Variants in ITIH5 observed in about 807,000 individuals in gnomAD.
The protein encoded by ITIH5 is inter-alpha-trypsin inhibitor heavy chain 5.
A neutral mutation model predicts 77.5 loss-of-function variants in ITIH5; 65 were observed. That is an observed-to-expected ratio of 0.84 (90% CI 0.69 to 1.03). The LOEUF (loss-of-function observed/expected upper bound fraction) is 1.03, where lower values mean the gene tolerates loss of function less well. Ranked by LOEUF, ITIH5 falls within the 50% of genes least tolerant of loss-of-function variation. The pLI is 0.00. For missense variants in ITIH5, 1,208 were observed against 1,213.1 expected, an observed-to-expected ratio of 1.00 and a Z score of 0.06; for synonymous variants, 525 against 494.3, an observed-to-expected ratio of 1.06 and a Z score of -0.82.
At chr10:7,583,777 G>A (rs560895825) in intron 8 of ITIH5, among the ~76,000 whole-genome samples, 8 of 152,272 alleles carry the variant, frequency 5.3e-5, no homozygotes, top group Admixed American at 1.3e-4. Flanking sequence ...GAGAGCACAG[G>A]CAGAGGGACG....
Position 7,563,380 on chromosome 10 carries a change from C to G in ITIH5, c.2532G>C (p.Gln844His). 3 of 1,611,848 alleles carry G rather than the reference C, an allele frequency of 1.9e-6. No homozygotes were observed. Among genetic ancestry groups the G allele is most frequent in the Non-Finnish European group, 2.5e-6 (3 of 1,178,220 alleles). Reference sequence around the variant, plus strand: ...TGAGTCTGGCATCCTGATTCAGGAACTGACCTGGGAGGACAAGGAAAAGCA... The same window carrying G: ...TGAGTCTGGCATCCTGATTCAGGAAGTGACCTGGGAGGACAAGGAAAAGCA... The part of the protein sequence containing the change: ...LSSNCHGLLG[Q>H]FLNQDARLTE... The change falls in exon 14 of 14, where the codon CAG becomes CAC. Residue 844 changes from glutamine to histidine, a missense_variant. Physicochemically the swap from Gln to His is conservative, Grantham distance 24 (BLOSUM62 0). Transcript: ENST00000397146.
At chr10:7,616,397 GT>G (rs61480852) in intron 6 of ITIH5, among the ~76,000 whole-genome samples, 1 of 151,634 alleles carries the variant, frequency 6.6e-6, no homozygotes, top group Non-Finnish European at 1.5e-5. Context: ...CCTTCATTAT[GT>G]TTTTTTTACC....
intron 9 of ITIH5, among the ~76,000 whole-genome samples, chr10:7,579,455 G>A (rs562397736): frequency 6.6e-6 from 1 of 152,018 alleles, no homozygotes; most frequent in African/African-American, 2.4e-5. Context: ...AACCCAGGAA[G>A]CAGAGGTTGC....
Position 7,594,881 on chromosome 10 carries a change from T to C in ITIH5, c.940-8812A>G, listed in dbSNP as rs1832863949. Among the ~76,000 whole-genome samples the C allele has an allele frequency of 3.9e-5, 6 of 152,172 alleles. No homozygotes were observed. In the South Asian group the frequency reaches 1.2e-3, roughly 32 times the overall value. ...CTAGGGGATAAACATAAGGGGCACCTGTGGGCCTCACTGAGGAGGAAAACA... is the reference window on the plus strand; with the variant it reads ...CTAGGGGATAAACATAAGGGGCACCCGTGGGCCTCACTGAGGAGGAAAACA... On this transcript the variant is annotated intron_variant, in intron 7 of 13. Coordinates refer to ENST00000397146, the MANE Select transcript of ITIH5 (RefSeq NM_030569.7).
chr10:7,642,300 A>C (rs1833903272), intron 2 of ITIH5, among the ~76,000 whole-genome samples: 1 of 152,152 alleles, frequency 6.6e-6, no homozygotes, highest in African/African-American at 2.4e-5. Flanking sequence ...TTGCATAAAC[A>C]ATTAATAACA....
At position 7,576,683 on chromosome 10, in the gene ITIH5, T is replaced by C. The variant is rs1394457147; in HGVS notation, c.1748A>G (p.Lys583Arg). The C allele has an allele frequency of 3.7e-6, 6 of 1,614,116 alleles. No individual in the cohort carries two copies. The East Asian group carries it at 1.1e-4, about 30-fold the overall frequency. The change falls in exon 10 of 14, where the codon AAG becomes AGG. Residue 583 changes from lysine (K) to arginine (R), a missense_variant. By Grantham distance (26) the Lys-to-Arg change is conservative (BLOSUM62 2). Transcript: ENST00000397146. The part of the protein sequence containing the change: ...IERLWSYLTT[K>R]ELLSSWLQSD... ...TTGCAGCCAGGAGCTCAGCAGCTCC[T>C]TTGTGGTGAGGTAGCTCCAGAGACG...
At chr10:7,572,483 C>A in intron 11 of ITIH5, 1 of 1,289,168 alleles carries the variant, frequency 7.8e-7, no homozygotes, top group South Asian at 1.3e-5. Flanking sequence ...TTTATGATAG[C>A]AGAGGCTGGA....
intron 5 of ITIH5, chr10:7,621,376 C>T (rs939522895): frequency 6.6e-5 from 10 of 152,114 alleles, no homozygotes; most frequent in African/African-American, 1.9e-4. Context: ...ATCATTCACT[C>T]GACTAGGCTC....
chr10:7,631,810 C>G (rs575488436), intron 5 of ITIH5, among the ~76,000 whole-genome samples: 39 of 149,134 alleles, frequency 2.6e-4, no homozygotes, highest in Non-Finnish European at 4.6e-4. Context: ...TTTTTTAAAC[C>G]AAATCTGACT....
intron 7 of ITIH5, among the ~76,000 whole-genome samples, chr10:7,596,217 C>T (rs1832894134): frequency 6.6e-6 from 1 of 152,168 alleles, no homozygotes; most frequent in South Asian, 2.1e-4. Context: ...TTCTCTTCCG[C>T]TCCCTCTTTC....
chr10:7,660,052 G>A (rs935313671), intron 1 of ITIH5, among the ~76,000 whole-genome samples: 2 of 152,160 alleles, frequency 1.3e-5, no homozygotes, highest in Admixed American at 1.3e-4. Flanking sequence ...ATGGACTTAA[G>A]AGATGGTGCT....
At chr10:7,605,536 C>A (rs950023325) in intron 7 of ITIH5, among the ~76,000 whole-genome samples, 1,100 of 71,950 alleles carry the variant, frequency 0.015, 13 homozygotes, top group African/African-American at 0.04. Context: ...ACCTAGCACC[C>A]CACCCCCAAC....
At chr10:7,631,638 G>C (rs1313487335) in intron 5 of ITIH5, among the ~76,000 whole-genome samples, 2 of 152,124 alleles carry the variant, frequency 1.3e-5, no homozygotes, top group African/African-American at 4.8e-5. Context: ...GATGGGAAGA[G>C]GTTGTTTCCA....
intron 8 of ITIH5, among the ~76,000 whole-genome samples, chr10:7,580,535 T>A (rs1588370465): frequency 6.6e-6 from 1 of 152,200 alleles, no homozygotes; most frequent in East Asian, 1.9e-4. Flanking sequence ...TAAATGCATA[T>A]AAGTGAATGG....
At chr10:7,575,784 G>C (rs1315653807) in intron 10 of ITIH5, among the ~76,000 whole-genome samples, 1 of 152,130 alleles carries the variant, frequency 6.6e-6, no homozygotes, top group Non-Finnish European at 1.5e-5. Context: ...TGAAAATATA[G>C]AAAGGCACTG....
intron 1 of ITIH5, among the ~76,000 whole-genome samples, chr10:7,663,148 G>C (rs1324258240): frequency 6.6e-6 from 1 of 152,176 alleles, no homozygotes. Context: ...TTTGCTGAGA[G>C]CCCCAGCTTT....
Position 7,562,298 on chromosome 10 carries a change from C to T in ITIH5, c.*785G>A, listed in dbSNP as rs979192518. 6.6e-6 allele frequency: 1 copy of T among 152,108 alleles called. No individual in the cohort carries two copies. Among genetic ancestry groups the T allele is most frequent in the Non-Finnish European group, 1.5e-5 (1 of 68,020 alleles). 9.4% of individuals were successfully genotyped at this position (152,108 alleles called of 1,614,324 possible). Reference sequence around the variant, plus strand: ...CACCAAGACATGCCAGTAAAATCAACCACATGGAGTTGTCCTGTGTATGAA... The same window carrying T: ...CACCAAGACATGCCAGTAAAATCAATCACATGGAGTTGTCCTGTGTATGAA... On this transcript the variant is annotated 3_prime_UTR_variant, in exon 14 of 14. Coordinates refer to ENST00000397146, the MANE Select transcript of ITIH5 (RefSeq NM_030569.7).
chr10:7,651,087 G>A (rs1348136365), intron 2 of ITIH5, among the ~76,000 whole-genome samples: 1 of 149,752 alleles, frequency 6.7e-6, no homozygotes, highest in African/African-American at 2.5e-5. Context: ...GATGCCCAGA[G>A]TCATGCTACC....
chr10:7,665,222 T>A lies in ITIH5; in HGVS notation c.90+1581A>T, dbSNP rs139458503. The stretch of plus-strand genomic sequence containing the variant: ...CAAGTCCATAGACTGTGAAGCCTAC[T>A]TGAACTTGGTATATGCTAGAGTTTA... On this transcript the variant is annotated intron_variant, in intron 1 of 13. Coordinates refer to ENST00000397146, the MANE Select transcript of ITIH5 (RefSeq NM_030569.7). Among the ~76,000 whole-genome samples the A allele has an allele frequency of 8.5e-4, 130 of 152,352 alleles. No homozygotes were observed. In the East Asian group the frequency reaches 0.02, roughly 23 times the overall value.
Sources: gnomAD v4.1 joint callset for allele counts (sites outside exome capture counted in the v4.1 genomes callset) on GRCh38, gnomAD v4.1.1 for gene constraint, MANE v1.5 for transcripts, NCBI Gene and HGNC (gene_info 2026-07-23, HGNC 2026-07-21) for gene names.